Variants in PVT1 observed in about 807,000 individuals in gnomAD.
PVT1 encodes the protein CXCR4/PVT1 fusion.
chr8:127,895,292 G>A (rs1464324083), intron 3 of PVT1, among the ~76,000 whole-genome samples: 10 of 152,194 alleles, frequency 6.6e-5, no homozygotes, highest in African/African-American at 2.4e-4. Flanking sequence ...CCAACATAGC[G>A]AAACCCCATC....
intron 2 of PVT1, among the ~76,000 whole-genome samples, chr8:127,867,730 G>A (rs1476890871): frequency 6.6e-6 from 1 of 152,160 alleles, no homozygotes; most frequent in Non-Finnish European, 1.5e-5. Context: ...CGGGTGGGGT[G>A]GGGAGAAGGG....
intron 3 of PVT1, among the ~76,000 whole-genome samples, chr8:127,894,076 G>T (rs1038336791): frequency 4.6e-5 from 7 of 152,200 alleles, no homozygotes; most frequent in Non-Finnish European, 8.8e-5. Flanking sequence ...CCTGACTGCC[G>T]CTACAGCAGT....
chr8:128,020,244 A>G (rs1360282222), intron 4 of PVT1, among the ~76,000 whole-genome samples: 1 of 152,204 alleles, frequency 6.6e-6, no homozygotes, highest in Non-Finnish European at 1.5e-5. Context: ...CTATGAATGA[A>G]TATGTTACTT....
rs111470497 is a variant in PVT1, at chr8:128,057,884, G to T, written n.913-12276G>T. On this transcript the variant is annotated intron_variant and non_coding_transcript_variant, in intron 4 of 10. Coordinates refer to ENST00000651587, the Ensembl canonical transcript of PVT1. The stretch of plus-strand genomic sequence containing the variant: ...GAGGAAAAGAAAGGCTCACATGGTG[G>T]TATCATTGGCCTAGCTTTCAATCCA... Among the ~76,000 whole-genome samples, 20 of 152,298 alleles carry T rather than the reference G, an allele frequency of 1.3e-4. 1 individual carries two copies. The highest frequency in any genetic ancestry group is 3.6e-4 in the African/African-American group (15 of 41,558).
At chr8:127,809,182 A>G (rs1022746355) in intron 2 of PVT1, among the ~76,000 whole-genome samples, 4 of 151,978 alleles carry the variant, frequency 2.6e-5, no homozygotes, top group Non-Finnish European at 4.4e-5. Flanking sequence ...ATAGGGAACT[A>G]TTGAAAGTTT....
chr8:127,814,139 A>G (rs560097261), intron 2 of PVT1, among the ~76,000 whole-genome samples: 1 of 152,200 alleles, frequency 6.6e-6, no homozygotes, highest in Non-Finnish European at 1.5e-5. Flanking sequence ...GTTTTCCTTT[A>G]TCCAGACAGC....
At chr8:127,862,205 C>T (rs996519002) in intron 2 of PVT1, among the ~76,000 whole-genome samples, 29 of 152,224 alleles carry the variant, frequency 1.9e-4, no homozygotes, top group African/African-American at 6.5e-4. Context: ...GTCAGGAGTT[C>T]GAGACCAGCC....
chr8:128,003,252 T>TTCCTTCCTTCTTTCCC (rs752182527), intron 4 of PVT1, among the ~76,000 whole-genome samples: 10 of 113,306 alleles, frequency 8.8e-5, no homozygotes, highest in Non-Finnish European at 1.5e-4. Context: ...CCTTCTTTCC[T>TTCCTTCCTTCTTTCCC]TCCTTCCTTC....
At chr8:127,846,980 C>CTTTTTTTTTTTTT (rs34437112) in intron 2 of PVT1, among the ~76,000 whole-genome samples, 16 of 62,422 alleles carry the variant, frequency 2.6e-4, no homozygotes, top group Non-Finnish European at 3.5e-4. Context: ...TGCACATGGC[C>CTTTTTTTTTTTTT]TTTTTTTTTT....
intron 5 of PVT1, among the ~76,000 whole-genome samples, chr8:128,072,870 GT>G (rs1288216510): frequency 2.6e-5 from 4 of 151,760 alleles, no homozygotes; most frequent in Admixed American, 6.6e-5. Context: ...GAGTCTCACT[GT>G]TGCCCAGGTT....
At chr8:127,908,340 C>G (rs951944136) in intron 3 of PVT1, among the ~76,000 whole-genome samples, 1 of 137,960 alleles carries the variant, frequency 7.2e-6, no homozygotes, top group African/African-American at 2.5e-5. Context: ...TTTCTTTTTT[C>G]TTTCTTTCTT....
At chr8:127,991,039 C>G (rs942301335) in intron 4 of PVT1, among the ~76,000 whole-genome samples, 7 of 152,076 alleles carry the variant, frequency 4.6e-5, no homozygotes, top group Middle Eastern at 3.2e-3. Flanking sequence ...CATTCATTTT[C>G]GTATCATTGT....
chr8:127,980,791 C>CTTTTTTTTTTTT (rs11361552), intron 3 of PVT1, among the ~76,000 whole-genome samples: 8 of 120,416 alleles, frequency 6.6e-5, no homozygotes, highest in Non-Finnish European at 1.2e-4. Flanking sequence ...ACTACAGCTT[C>CTTTTTTTTTTTT]TTTTTTTTTT....
chr8:128,072,635 T>C lies in PVT1; in HGVS notation n.1114+2274T>C, dbSNP rs1814012091. ...GGCTCAGGAAAACAGAATTTCAGAATCTTCTGGAAGAGATGTTTCCTTTCT... is the reference window on the plus strand; with the variant it reads ...GGCTCAGGAAAACAGAATTTCAGAACCTTCTGGAAGAGATGTTTCCTTTCT... On this transcript the variant is annotated intron_variant and non_coding_transcript_variant, in intron 5 of 10. Transcript: ENST00000651587. Among the ~76,000 whole-genome samples, 4 of 152,234 alleles carry C rather than the reference T, an allele frequency of 2.6e-5. No homozygotes were observed. The South Asian group carries it at 8.3e-4, about 32-fold the overall frequency.
At chr8:128,067,413 A>G (rs1311222053) in intron 4 of PVT1, among the ~76,000 whole-genome samples, 1 of 152,082 alleles carries the variant, frequency 6.6e-6, no homozygotes, top group Non-Finnish European at 1.5e-5. Flanking sequence ...CCTTCCTTCC[A>G]CGGCTGGCAC....
chr8:127,969,049 C>G (rs1002286169), intron 3 of PVT1, among the ~76,000 whole-genome samples: 3 of 152,114 alleles, frequency 2.0e-5, no homozygotes, highest in South Asian at 4.1e-4. Context: ...ATTTTGCGAC[C>G]ATTTGTACCC....
chr8:127,855,069 A>G (rs1315770772), intron 2 of PVT1: 1 of 398,054 alleles, frequency 2.5e-6, no homozygotes, highest in Non-Finnish European at 4.4e-6. Context: ...TCAGTTTACT[A>G]TTTTAAACTA....
chr8:128,017,796 G>A (rs1032360774), intron 4 of PVT1, among the ~76,000 whole-genome samples: 3 of 151,800 alleles, frequency 2.0e-5, no homozygotes, highest in African/African-American at 7.3e-5. Flanking sequence ...CATTTATATC[G>A]GCAGCCATCA....
intron 3 of PVT1, among the ~76,000 whole-genome samples, chr8:127,891,925 C>G (rs779852123): frequency 5.9e-5 from 9 of 152,202 alleles, no homozygotes; most frequent in Non-Finnish European, 1.2e-4. Context: ...CTGCAGCTGA[C>G]AAGTGGAAGG....
Sources: gnomAD v4.1 joint callset for allele counts (sites outside exome capture counted in the v4.1 genomes callset) on GRCh38, gnomAD v4.1.1 for gene constraint, MANE v1.5 for transcripts, NCBI Gene and HGNC (gene_info 2026-07-23, HGNC 2026-07-21) for gene names.